Variants in HAUS1 observed in about 807,000 individuals in gnomAD.
HAUS1 encodes HAUS augmin-like complex subunit 1.
A neutral mutation model predicts 38.6 loss-of-function variants in HAUS1; 25 were observed. That is an observed-to-expected ratio of 0.65 (90% CI 0.47 to 0.91). The LOEUF is 0.91. Among genes scored for constraint, HAUS1 ranks in the 40% least tolerant of loss-of-function variants. HAUS1 has a pLI of 0.00. For missense variants in HAUS1, 325 were observed against 328.4 expected, an observed-to-expected ratio of 0.99 and a Z score of 0.08; for synonymous variants, 109 against 112.9, an observed-to-expected ratio of 0.97 and a Z score of 0.22.
chr18:46,105,139 T>C, intron 1 of HAUS1, 55 bp from the exon 2 acceptor site: 1 of 1,322,178 alleles, frequency 7.6e-7, no homozygotes, highest in Non-Finnish European at 1.1e-6. Context: ...CATATTCTCA[T>C]CGAGCCATTA....
At chr18:46,113,446 C>T (rs887028711) in intron 2 of HAUS1, among the ~76,000 whole-genome samples, 10 of 152,100 alleles carry the variant, frequency 6.6e-5, no homozygotes, top group Admixed American at 5.3e-4. Flanking sequence ...AGTGTTAATT[C>T]TCTCTAGTGA....
At chr18:46,126,398 G>A (rs1912105942) in intron 8 of HAUS1, among the ~76,000 whole-genome samples, 1 of 152,168 alleles carries the variant, frequency 6.6e-6, no homozygotes, top group Admixed American at 6.6e-5. Flanking sequence ...ATTTGCAAAG[G>A]CATATAAGCT....
chr18:46,125,727 T>A lies in HAUS1; in HGVS notation c.739-17T>A. On this transcript the variant is annotated splice_polypyrimidine_tract_variant and intron_variant, in intron 7 of 8. Transcript: ENST00000282058. ...TTGAGGCAATATAACCTTTCCTTGT[T>A]TTATTTTTTTTTAAAGAATCCGTCT... The A allele has an allele frequency of 1.9e-6, 3 of 1,573,710 alleles. No individual in the cohort carries two copies. In the South Asian group the frequency reaches 3.4e-5, roughly 18 times the overall value.
intron 2 of HAUS1, among the ~76,000 whole-genome samples, chr18:46,111,910 G>C (rs1395038909): frequency 3.5e-5 from 5 of 144,264 alleles, no homozygotes; most frequent in Admixed American, 7.0e-5. Flanking sequence ...TTATGAGATG[G>C]AGTCTTGCCC....
chr18:46,119,497 C>T (rs781775068), intron 3 of HAUS1, among the ~76,000 whole-genome samples: 14 of 151,678 alleles, frequency 9.2e-5, no homozygotes, highest in Non-Finnish European at 1.3e-4. Flanking sequence ...CTTAAAGTCA[C>T]ATTATGTTTT....
At chr18:46,104,540 T>TC in intron 1 of HAUS1, 99 bp downstream of exon 1, 1 of 1,035,234 alleles carries the variant, frequency 9.7e-7, no homozygotes, top group Non-Finnish European at 1.3e-6. Context: ...CGTCTACTTT[T>TC]CTCTCCCCTA....
intron 2 of HAUS1, among the ~76,000 whole-genome samples, chr18:46,109,147 T>TA (rs1200188159): frequency 2.6e-5 from 4 of 151,534 alleles, no homozygotes; most frequent in Non-Finnish European, 4.4e-5. Flanking sequence ...TCAGGAAACT[T>TA]ACAATCATGG....
intron 4 of HAUS1, 59 bp from the exon 5 acceptor site, chr18:46,122,408 G>T: frequency 6.4e-7 from 1 of 1,555,438 alleles, no homozygotes; most frequent in Non-Finnish European, 8.8e-7. Context: ...AGTTTCTATT[G>T]TACAATACTT....
chr18:46,126,830 T>TTTAC (rs1225343692), intron 8 of HAUS1: 1 of 148,756 alleles, frequency 6.7e-6, no homozygotes, highest in Non-Finnish European at 1.5e-5. Context: ...TATTTATTTA[T>TTTAC]TTATTTATTT....
rs1295848137 is a variant in HAUS1, at chr18:46,122,608, A to T, written c.600+18A>T. On this transcript the variant is annotated intron_variant, in intron 5 of 8. Transcript: ENST00000282058. ...CTGCAGAGGTTTGTATGAAGGACCG[A>T]ATATAGTTAGCTCTCTTCGGCCTGA... is the stretch of plus-strand genomic sequence containing the variant. The T allele has an allele frequency of 6.2e-7, 1 of 1,613,832 alleles. No homozygotes were observed. Among genetic ancestry groups the T allele is most frequent in the South Asian group, 1.1e-5 (1 of 91,076 alleles).
intron 2 of HAUS1, among the ~76,000 whole-genome samples, chr18:46,115,977 A>G (rs575227641): frequency 5.7e-4 from 86 of 151,876 alleles, no homozygotes; most frequent in Non-Finnish European, 1.1e-3. Flanking sequence ...GTGGTGGCAC[A>G]TGCCTGTAAT....
intron 3 of HAUS1, chr18:46,118,579 C>T (rs983655201): frequency 3.0e-6 from 1 of 330,444 alleles, no homozygotes; most frequent in African/African-American, 2.1e-5. Context: ...TCACATTGTT[C>T]CCTGTGTATA....
chr18:46,112,230 A>T, intron 2 of HAUS1, among the ~76,000 whole-genome samples: 1 of 141,822 alleles, frequency 7.1e-6, no homozygotes, highest in South Asian at 2.1e-4. Context: ...TGGCTTCCAT[A>T]TATATATAAT....
At chr18:46,126,511 G>C (rs1912109076) in intron 8 of HAUS1, 1 of 152,162 alleles carries the variant, frequency 6.6e-6, no homozygotes, top group South Asian at 2.1e-4. Context: ...GGTTCATGAT[G>C]TAGAAGGCCT....
At chr18:46,125,628 C>T (rs1912082908) in intron 7 of HAUS1, 116 bp from the exon 8 acceptor site, 2 of 640,244 alleles carry the variant, frequency 3.1e-6, no homozygotes, top group East Asian at 2.8e-5. Context: ...GTTATATGTA[C>T]ATTGGGTATC....
Position 46,125,736 on chromosome 18 carries a change from T to C in HAUS1, c.739-8T>C. On this transcript the variant is annotated splice_region_variant and splice_polypyrimidine_tract_variant and intron_variant, in intron 7 of 8. Transcript: ENST00000282058. The stretch of plus-strand genomic sequence containing the variant: ...TATAACCTTTCCTTGTTTTATTTTT[T>C]TTTAAAGAATCCGTCTCTTGCTCAA... 8 of 1,584,796 alleles carry C rather than the reference T, an allele frequency of 5.0e-6. No homozygotes were observed. The highest frequency in any genetic ancestry group is 6.9e-6 in the Non-Finnish European group (8 of 1,156,574).
intron 2 of HAUS1, among the ~76,000 whole-genome samples, chr18:46,113,485 A>T (rs1434379569): frequency 7.0e-6 from 1 of 142,176 alleles, no homozygotes; most frequent in East Asian, 2.1e-4. Flanking sequence ...TGCACTCTAG[A>T]ATTCCCATTT....
At chr18:46,110,333 G>GTTTTTTTTTTTTGTTTT (rs1911587830) in intron 2 of HAUS1, among the ~76,000 whole-genome samples, 4 of 49,992 alleles carry the variant, frequency 8.0e-5, no homozygotes, top group African/African-American at 1.7e-4. Context: ...TTTTTTTAAG[G>GTTTTTTTTTTTTGTTTT]TTTTTTTTTT....
Position 46,128,199 on chromosome 18 carries a change from G to A in HAUS1, c.*74G>A. The A allele has an allele frequency of 1.2e-6, 1 of 845,448 alleles. No homozygotes were observed. The highest frequency in any genetic ancestry group is 2.8e-5 in the Admixed American group (1 of 36,330). 52.4% of individuals were successfully genotyped at this position (845,448 alleles called of 1,614,324 possible). On this transcript the variant is annotated 3_prime_UTR_variant, in exon 9 of 9. Transcript: ENST00000282058. ...ACTTTACAGAGTTCTTTTTCCTCTTGGCATTTCCTAATAACAAAACTTTCT... is the reference window on the plus strand; with the variant it reads ...ACTTTACAGAGTTCTTTTTCCTCTTAGCATTTCCTAATAACAAAACTTTCT...
Sources: gnomAD v4.1 joint callset for allele counts (sites outside exome capture counted in the v4.1 genomes callset) on GRCh38, gnomAD v4.1.1 for gene constraint, MANE v1.5 for transcripts, NCBI Gene and HGNC (gene_info 2026-07-23, HGNC 2026-07-21) for gene names.